Variants in TENM1 observed in about 807,000 individuals in gnomAD.
The protein encoded by TENM1 is teneurin-1.
In TENM1, 35 loss-of-function variants were observed where a neutral mutation model predicts 174.8. The observed-to-expected ratio is 0.20, with a 90% CI of 0.15 to 0.27. The LOEUF is 0.27. Among genes scored for constraint, TENM1 ranks in the 10% least tolerant of loss-of-function variants. TENM1 has a pLI of 1.00. For synonymous variants in TENM1, 781 were observed against 798.7 expected, an observed-to-expected ratio of 0.98 and a Z score of 0.37; for missense variants, 1,633 against 2,130.1, an observed-to-expected ratio of 0.77 and a Z score of 4.59.
intron 3 of TENM1, among the ~76,000 whole-genome samples, chrX:124,855,428 A>G (rs112135669): frequency 1.9e-4 from 21 of 111,673 alleles, no homozygotes; most frequent in African/African-American, 5.9e-4. Context: ...TTCTCCACCC[A>G]CGGCATTAAT....
the TENM1 span, among the ~76,000 whole-genome samples, chrX:125,016,315 C>T: frequency 2.7e-5 from 3 of 111,166 alleles, no homozygotes; most frequent in Admixed American, 1.9e-4. Context: ...TAGAAAACCC[C>T]ATCGTCTCAG....
chrX:124,517,937 G>A (rs1011675090), intron 18 of TENM1, among the ~76,000 whole-genome samples: 4 of 111,629 alleles, frequency 3.6e-5, no homozygotes, highest in Non-Finnish European at 7.5e-5. Context: ...TCATGGAGAA[G>A]AGAATTAGAG....
intron 3 of TENM1, among the ~76,000 whole-genome samples, chrX:124,848,266 T>C (rs1368938423): frequency 7.3e-5 from 8 of 108,871 alleles, no homozygotes; most frequent in Non-Finnish European, 1.5e-4. Flanking sequence ...GCCTTGGAAG[T>C]AGTTTCCAAA....
At chrX:125,089,675 C>T in the TENM1 span, among the ~76,000 whole-genome samples, 5 of 111,524 alleles carry the variant, frequency 4.5e-5, no homozygotes, top group Non-Finnish European at 9.4e-5. Flanking sequence ...ATTTGGCATA[C>T]TGTAATACCA....
At chrX:124,676,303 T>C (rs2052082883) in intron 5 of TENM1, among the ~76,000 whole-genome samples, 1 of 52,452 alleles carries the variant, frequency 1.9e-5, no homozygotes, top group Non-Finnish European at 3.3e-5. Flanking sequence ...TATATATATA[T>C]ATATATATAT....
At chrX:124,630,604 A>G (rs1426636229) in intron 11 of TENM1, among the ~76,000 whole-genome samples, 3 of 111,958 alleles carry the variant, frequency 2.7e-5, no homozygotes, top group African/African-American at 9.8e-5. Flanking sequence ...CACGTGCCCA[A>G]GATTATATGG....
At chrX:124,682,426 G>A (rs2052258546) in intron 5 of TENM1, among the ~76,000 whole-genome samples, 1 of 111,359 alleles carries the variant, frequency 9.0e-6, no homozygotes, top group Non-Finnish European at 1.9e-5. Flanking sequence ...TTTCAGCTGA[G>A]TTACCCAGCA....
chrX:125,137,909 C>T, the TENM1 span, among the ~76,000 whole-genome samples: 1 of 111,778 alleles, frequency 8.9e-6, no homozygotes, highest in Non-Finnish European at 1.9e-5. Flanking sequence ...TTAATTAAAG[C>T]TCCCTTTCAC....
the TENM1 span, among the ~76,000 whole-genome samples, chrX:124,973,705 A>G: frequency 8.1e-5 from 9 of 111,360 alleles, no homozygotes; most frequent in Admixed American, 1.9e-4. Flanking sequence ...GCTCTCTATT[A>G]TTGGCATATA....
the TENM1 span, among the ~76,000 whole-genome samples, chrX:125,135,963 G>T: frequency 6.3e-5 from 7 of 110,833 alleles, no homozygotes. Flanking sequence ...TAGGTAAATA[G>T]ACATGAGTTC....
intron 14 of TENM1, among the ~76,000 whole-genome samples, chrX:124,547,609 C>CGGG (rs1373910187): frequency 1.8e-5 from 2 of 111,542 alleles, no homozygotes; most frequent in African/African-American, 6.5e-5. Flanking sequence ...AAAGATATTT[C>CGGG]GAGCAATGAT....
exon 28 of TENM1, chrX:124,392,184 A>G: frequency 8.3e-7 from 1 of 1,211,553 alleles, no homozygotes; most frequent in African/African-American, 1.7e-5. Flanking sequence ...CCGAAGGTGA[A>G]TATGTGATGT....
intron 11 of TENM1, among the ~76,000 whole-genome samples, chrX:124,586,961 C>T (rs1602725018): frequency 9.0e-6 from 1 of 110,933 alleles, no homozygotes; most frequent in Admixed American, 9.6e-5. Context: ...GAATAAAATA[C>T]CTTGGAATCC....
intron 23 of TENM1, among the ~76,000 whole-genome samples, chrX:124,428,823 A>G (rs920362870): frequency 3.6e-5 from 4 of 111,838 alleles, no homozygotes; most frequent in African/African-American, 1.3e-4. Flanking sequence ...CCAGACTTCA[A>G]TTGTCCCTGT....
intron 23 of TENM1, among the ~76,000 whole-genome samples, chrX:124,426,756 G>C (rs1260805588): frequency 8.9e-6 from 1 of 112,310 alleles, no homozygotes; most frequent in Non-Finnish European, 1.9e-5. Flanking sequence ...GGGGTATAAA[G>C]CTGAGCTTGT....
intron 3 of TENM1, among the ~76,000 whole-genome samples, chrX:124,807,795 T>A (rs2055645393): frequency 9.1e-6 from 1 of 109,512 alleles, no homozygotes; most frequent in African/African-American, 3.3e-5. Context: ...GTAAGTATCA[T>A]GGTACCCACA....
At chrX:125,031,869 T>C in the TENM1 span, among the ~76,000 whole-genome samples, 3 of 112,301 alleles carry the variant, frequency 2.7e-5, no homozygotes, top group Non-Finnish European at 5.6e-5. Flanking sequence ...AACTAAGGGT[T>C]AGAAGACAAA....
chrX:124,523,890 T>TC (rs1472768801), intron 16 of TENM1, among the ~76,000 whole-genome samples: 33 of 106,355 alleles, frequency 3.1e-4, no homozygotes, highest in African/African-American at 1.1e-3. Context: ...TTTTTTTTTT[T>TC]TGAGATGGAG....
At chrX:124,477,243 T>A (rs1485408045) in intron 22 of TENM1, among the ~76,000 whole-genome samples, 1 of 112,521 alleles carries the variant, frequency 8.9e-6, no homozygotes, top group Non-Finnish European at 1.9e-5. Flanking sequence ...TCCTGGAGAT[T>A]TATTTGAATA....
Sources: gnomAD v4.1 joint callset for allele counts (sites outside exome capture counted in the v4.1 genomes callset) on GRCh38, gnomAD v4.1.1 for gene constraint, MANE v1.5 for transcripts, NCBI Gene and HGNC (gene_info 2026-07-23, HGNC 2026-07-21) for gene names.